Variants in SH3RF3 observed in about 807,000 individuals in gnomAD.
SH3RF3 encodes SH3 domain containing ring finger 3, also known as E3 ubiquitin-protein ligase SH3RF3.
A neutral mutation model predicts 66.3 loss-of-function variants in SH3RF3; 29 were observed. That is an observed-to-expected ratio of 0.44 (90% CI 0.33 to 0.60). SH3RF3 has a LOEUF of 0.60. SH3RF3 is among the 20% of genes least tolerant of loss of function. The pLI, the probability that SH3RF3 is intolerant of heterozygous loss-of-function variation, is 0.04. For missense variants in SH3RF3, 1,194 were observed against 1,190.9 expected, an observed-to-expected ratio of 1.00 and a Z score of -0.04; for synonymous variants, 583 against 532.0, an observed-to-expected ratio of 1.10 and a Z score of -1.32.
At chr2:109,268,219 G>C (rs967523856) in intron 1 of SH3RF3, among the ~76,000 whole-genome samples, 4 of 151,986 alleles carry the variant, frequency 2.6e-5, no homozygotes, top group Non-Finnish European at 4.4e-5. Flanking sequence ...CTTCCCCAGT[G>C]GTTTCTGTGT....
chr2:109,355,050 T>C (rs1185349522), intron 2 of SH3RF3, among the ~76,000 whole-genome samples: 1 of 152,236 alleles, frequency 6.6e-6, no homozygotes, highest in South Asian at 2.1e-4. Context: ...TACAATCCTT[T>C]AGGACCACCC....
chr2:109,301,354 T>TG (rs1559010962), intron 1 of SH3RF3, among the ~76,000 whole-genome samples: 22 of 69,976 alleles, frequency 3.1e-4, no homozygotes, highest in Non-Finnish European at 1.2e-4. Flanking sequence ...GTGTGTGTGT[T>TG]TGTGTATGTT....
intron 3 of SH3RF3, among the ~76,000 whole-genome samples, chr2:109,382,380 G>A (rs1360799873): frequency 3.9e-5 from 6 of 152,052 alleles, no homozygotes; most frequent in Admixed American, 1.3e-4. Flanking sequence ...TGGGGCTGAG[G>A]CTGCCTGCAC....
At chr2:109,161,970 C>A (rs551328369) in intron 1 of SH3RF3, among the ~76,000 whole-genome samples, 1 of 152,030 alleles carries the variant, frequency 6.6e-6, no homozygotes, top group Non-Finnish European at 1.5e-5. Context: ...TCTTATATGT[C>A]GCAGGTGTCT....
At chr2:109,492,848 C>T (rs985153147) in intron 9 of SH3RF3, among the ~76,000 whole-genome samples, 4 of 152,070 alleles carry the variant, frequency 2.6e-5, no homozygotes, top group Non-Finnish European at 4.4e-5. Flanking sequence ...CACAGCTCCT[C>T]CAGGGGCTGC....
chr2:109,475,757 C>T (rs571243859), intron 8 of SH3RF3, among the ~76,000 whole-genome samples: 1 of 152,334 alleles, frequency 6.6e-6, no homozygotes, highest in South Asian at 2.1e-4. Context: ...CCAAATGGCT[C>T]CTCGGGGGCA....
At chr2:109,265,450 C>A (rs1558990522) in intron 1 of SH3RF3, among the ~76,000 whole-genome samples, 1 of 152,200 alleles carries the variant, frequency 6.6e-6, no homozygotes, top group Non-Finnish European at 1.5e-5. Context: ...GACAGTGAGC[C>A]CCCACCTCCC....
intron 4 of SH3RF3, among the ~76,000 whole-genome samples, chr2:109,411,900 G>A (rs10195060): frequency 6.6e-6 from 1 of 152,210 alleles, no homozygotes; most frequent in Admixed American, 6.5e-5. Flanking sequence ...TCAAGTGTCA[G>A]CTGAAGGCCA....
chr2:109,286,485 A>G (rs1175548694), intron 1 of SH3RF3, among the ~76,000 whole-genome samples: 1 of 152,164 alleles, frequency 6.6e-6, no homozygotes, highest in Non-Finnish European at 1.5e-5. Context: ...AGTCCCGCAC[A>G]AGGCCATCTA....
chr2:109,433,867 G>A (rs1036281406), intron 6 of SH3RF3, among the ~76,000 whole-genome samples: 1 of 152,236 alleles, frequency 6.6e-6, no homozygotes, highest in Admixed American at 6.5e-5. Context: ...AAACTGCAGA[G>A]GGGCTTCAGG....
chr2:109,417,111 G>A (rs1043470261), intron 4 of SH3RF3, among the ~76,000 whole-genome samples: 1 of 152,148 alleles, frequency 6.6e-6, no homozygotes, highest in Admixed American at 6.6e-5. Context: ...ATGACCCTAA[G>A]ATCCTGCCCA....
chr2:109,371,671 T>C lies in SH3RF3; in HGVS notation c.935T>C (p.Leu312Pro). ...LGDKIGIFPL[L>P]YVELNDSAKQ... ...GACAAGATCGGGATCTTCCCGCTCC[T>C]GTACGTGGAGGTAAGACCGTGCCGC... The change falls in exon 3 of 10, where the codon CTG becomes CCG. Residue 312 changes from leucine to proline, a missense_variant. Transcript: ENST00000309415. The C allele has an allele frequency of 2.5e-6, 4 of 1,613,800 alleles. No individual in the cohort carries two copies. The highest frequency in any genetic ancestry group is 3.4e-6 in the Non-Finnish European group (4 of 1,179,796).
At chr2:109,360,335 G>A (rs1683029700) in intron 2 of SH3RF3, among the ~76,000 whole-genome samples, 1 of 152,218 alleles carries the variant, frequency 6.6e-6, no homozygotes, top group Non-Finnish European at 1.5e-5. Context: ...AGAGTCAGAA[G>A]TGAGGCTGAT....
intron 1 of SH3RF3, among the ~76,000 whole-genome samples, chr2:109,147,511 C>G (rs1287028415): frequency 6.6e-6 from 1 of 152,160 alleles, no homozygotes; most frequent in African/African-American, 2.4e-5. Context: ...GAAGCCCACA[C>G]TTGAAGGAAT....
chr2:109,393,924 T>C (rs1676070177), intron 3 of SH3RF3, among the ~76,000 whole-genome samples: 2 of 150,418 alleles, frequency 1.3e-5, no homozygotes, highest in Admixed American at 6.6e-5. Context: ...ACCCAGGGAT[T>C]TGGGGTGACT....
intron 3 of SH3RF3, among the ~76,000 whole-genome samples, chr2:109,385,465 G>A (rs759485831): frequency 3.3e-5 from 5 of 152,202 alleles, no homozygotes; most frequent in Non-Finnish European, 7.3e-5. Flanking sequence ...GCTGCAATAT[G>A]AATATCCAGT....
intron 1 of SH3RF3, among the ~76,000 whole-genome samples, chr2:109,273,286 G>T (rs56990456): frequency 0.01 from 1,598 of 152,312 alleles, 27 homozygotes; most frequent in African/African-American, 0.036. Context: ...GTATCTGTGG[G>T]GCACTCAGGG....
chr2:109,234,162 A>G (rs564736865), intron 1 of SH3RF3, among the ~76,000 whole-genome samples: 1 of 152,330 alleles, frequency 6.6e-6, no homozygotes, highest in African/African-American at 2.4e-5. Context: ...CTATACCATG[A>G]AGTTAATAGT....
At chr2:109,138,619 TC>T in intron 1 of SH3RF3, among the ~76,000 whole-genome samples, 2 of 152,300 alleles carry the variant, frequency 1.3e-5, no homozygotes, top group East Asian at 1.9e-4. Flanking sequence ...ATTCTAGTCT[TC>T]CTGTTCATCT....
Sources: gnomAD v4.1 joint callset for allele counts (sites outside exome capture counted in the v4.1 genomes callset) on GRCh38, gnomAD v4.1.1 for gene constraint, MANE v1.5 for transcripts, NCBI Gene and HGNC (gene_info 2026-07-23, HGNC 2026-07-21) for gene names.